The following MTO1 variants were observed in gnomAD, a reference collection of about 807,000 sequenced individuals.
The protein encoded by MTO1 is mitochondrial tRNA translation optimization 1, also known as 5-taurinomethyluridine-[tRNA] synthase subunit MTO1, mitochondrial.
Under a neutral mutation model 71.6 loss-of-function variants are expected in MTO1, and 46 were observed. The ratio of observed to expected loss-of-function variants is 0.64; its 90% CI spans 0.51 to 0.82. The LOEUF is 0.82. Ranked by LOEUF, MTO1 falls within the 40% of genes least tolerant of loss-of-function variation. MTO1 has a pLI of 0.00. For synonymous variants in MTO1, 297 were observed against 312.1 expected (o/e 0.95, Z 0.51); for missense variants, 773 against 867.5 (o/e 0.89, Z 1.37).
In MTO1 at chr6:73,482,180, C is replaced by T. The variant is rs761354670; in HGVS notation, c.1401C>T (p.Thr467=). The T allele has an allele frequency of 2.0e-5, 33 of 1,614,010 alleles. No individual in the cohort carries two copies. The highest frequency in any genetic ancestry group is 2.7e-5 in the African/African-American group (2 of 74,900). Residue 467 remains threonine (T), a synonymous_variant, in exon 8 of 12, where the codon ACC becomes ACT. Transcript: ENST00000498286. ...LGTSEPYRMF[T]SRVEFRLSLR... is the part of the protein sequence containing the mutation. ...CCAGTGAACCATACCGCATGTTTAC[C>T]AGCCGAGTAGAGTTCCGTTTGTCAC...
rs770798772 is a variant in MTO1 at position 73,500,733 on chromosome 6, T to C, written c.2077T>C (p.Ter693GlnextTer12). 31 of 1,572,558 alleles carry C rather than the reference T, an allele frequency of 2.0e-5. No homozygotes were observed. The highest frequency in any genetic ancestry group is 2.7e-5 in the African/African-American group (2 of 73,320). ...AGACAGACTTCAAGAGAGAGAGTTA[T>C]AGCTTTCAATTCATAAAAGATTTTT... is the stretch of plus-strand genomic sequence containing the variant. The part of the protein sequence containing the change: ...DADRLQEREL[*>Q] The change falls in exon 12 of 12, where the codon TAG becomes CAG. Residue 693 changes from the stop codon to glutamine, a stop_lost. Transcript: ENST00000498286.
intron 9 of MTO1, among the ~76,000 whole-genome samples, chr6:73,483,946 T>C (rs1771586087): frequency 1.3e-5 from 2 of 151,808 alleles, no homozygotes; most frequent in African/African-American, 2.4e-5. Flanking sequence ...ACCCGGCTAA[T>C]TTTTGTATTT....
At position 73,480,789 on chromosome 6, in the gene MTO1, AG is replaced by A. The variant is rs1250411982; in HGVS notation, c.1246del (p.Glu416LysfsTer7). 2 of 1,613,872 alleles carry A rather than the reference AG, an allele frequency of 1.2e-6. No individual in the cohort carries two copies. The highest frequency in any genetic ancestry group is 1.7e-5 in the Admixed American group (1 of 59,954). On this transcript the variant is annotated frameshift_variant, in exon 7 of 12. Coordinates refer to ENST00000498286, the MANE Select transcript of MTO1 (RefSeq NM_012123.4). LOFTEE classifies it high-confidence loss of function. ...CAGATCAATGGCACCACTGGTTATG[AG>A]GAAGCTGCAGCTCAAGTAAGAAGTT... ...AGQINGTTGYEEAAAQGVIAG... is the reference protein window; with the variant it reads ...AGQINGTTGYXEAAAQGVIAG...
chr6:73,482,342 C>A, intron 8 of MTO1, 98 bp downstream of exon 8: 2 of 1,552,302 alleles, frequency 1.3e-6, no homozygotes, highest in Admixed American at 1.7e-5. Flanking sequence ...TCACTTGAGG[C>A]CAGGAGTTTA....
rs749931663 is a variant in MTO1, at chr6:73,492,262, G to T, written c.1666G>T (p.Val556Phe). ...TCTCGATGTTCTGAAGTATGAGGAA[G>T]TTGACATGGATTCATTAGCCAAGGC... The part of the protein sequence containing the change: ...RALDVLKYEE[V>F]DMDSLAKAVP... Residue 556 changes from valine (V) to phenylalanine (F), a missense_variant, in exon 10 of 12, where the codon GTT becomes TTT. Coordinates refer to ENST00000498286, the MANE Select transcript of MTO1 (RefSeq NM_012123.4). The T allele has an allele frequency of 2.5e-6, 4 of 1,613,606 alleles. No homozygotes were observed. Among genetic ancestry groups the T allele is most frequent in the Non-Finnish European group, 3.4e-6 (4 of 1,179,576 alleles).
At chr6:73,487,282 C>T (rs1257755994) in intron 9 of MTO1, among the ~76,000 whole-genome samples, 3 of 151,296 alleles carry the variant, frequency 2.0e-5, no homozygotes, top group Non-Finnish European at 4.4e-5. Context: ...AACCTTCGCC[C>T]CCTGGTTCCA....
intron 1 of MTO1, among the ~76,000 whole-genome samples, chr6:73,465,464 C>T (rs1033617940): frequency 6.6e-6 from 1 of 151,910 alleles, no homozygotes; most frequent in Non-Finnish European, 1.5e-5. Context: ...ACACCCGGCC[C>T]TGTTTTTTAT....
chr6:73,475,035 G>A (rs189066005), intron 4 of MTO1, among the ~76,000 whole-genome samples: 4 of 152,160 alleles, frequency 2.6e-5, no homozygotes, highest in African/African-American at 9.6e-5. Context: ...CATTACAGGC[G>A]TGAGCCACCG....
intron 4 of MTO1, among the ~76,000 whole-genome samples, chr6:73,475,309 A>AT (rs1334916087): frequency 6.6e-6 from 1 of 150,756 alleles, no homozygotes; most frequent in African/African-American, 2.4e-5. Context: ...TGAGATGGAG[A>AT]TTCAGTCTTG....
At position 73,500,891 on chromosome 6, in the gene MTO1, C is replaced by G; in HGVS notation, c.*156C>G. The G allele has an allele frequency of 1.7e-6, 1 of 575,960 alleles. No individual in the cohort carries two copies. The allele number at this position is 575,960 out of a possible 1,614,324, so 35.7% of individuals were successfully genotyped here. ...GAGTGGGACAGAAATTATAATTGTGCTTTTTCGTGTATATGAAAAAACTAG... is the reference window on the plus strand; with the variant it reads ...GAGTGGGACAGAAATTATAATTGTGGTTTTTCGTGTATATGAAAAAACTAG... On this transcript the variant is annotated 3_prime_UTR_variant, in exon 12 of 12. Transcript: ENST00000498286.
rs529078132 is a variant in MTO1 at position 73,496,777 on chromosome 6, G to C, written c.1757-959G>C. Among the ~76,000 whole-genome samples the C allele has an allele frequency of 1.3e-4, 19 of 151,998 alleles. No individual in the cohort carries two copies. In the South Asian group the frequency reaches 3.8e-3, roughly 30 times the overall value. ...CTTAGAGAAGTAGCTTATCTCAGCC[G>C]GGCATGGTGGCTCATGCCTATAATC... On this transcript the variant is annotated intron_variant, in intron 10 of 11. Transcript: ENST00000498286.
At chr6:73,488,835 T>C (rs2150040766) in intron 9 of MTO1, among the ~76,000 whole-genome samples, 1 of 152,276 alleles carries the variant, frequency 6.6e-6, no homozygotes, top group Middle Eastern at 3.4e-3. Context: ...CGAGAATTGC[T>C]TGAACCCGGG....
chr6:73,500,341 G>A lies in MTO1; in HGVS notation c.1918-233G>A, dbSNP rs769448390. Reference sequence around the variant, plus strand: ...TAACATCTATTAGTTATGTAATCTTGCACAAGCTATTTTAACATTTCTGTG... The same window carrying A: ...TAACATCTATTAGTTATGTAATCTTACACAAGCTATTTTAACATTTCTGTG... On this transcript the variant is annotated intron_variant, in intron 11 of 11. Coordinates refer to ENST00000498286, the MANE Select transcript of MTO1 (RefSeq NM_012123.4). Among the ~76,000 whole-genome samples, 14 of 152,126 alleles carry A rather than the reference G, an allele frequency of 9.2e-5. No individual in the cohort carries two copies. In the East Asian group the frequency reaches 1.2e-3, roughly 13 times the overall value.
In MTO1 at chr6:73,479,992, T is replaced by TTTGG; in HGVS notation, c.1000_1003dup (p.Glu335ValfsTer4). ...CGTTTTCCAAACCGTCTACATCAGG[T>TTTGG]TTGGTTGGAACCTGAAGGAATGGAT... On this transcript the variant is annotated frameshift_variant, in exon 6 of 12. Coordinates refer to ENST00000498286, the MANE Select transcript of MTO1 (RefSeq NM_012123.4). LOFTEE classifies it high-confidence loss of function. The TTTGG allele has an allele frequency of 6.2e-7, 1 of 1,614,170 alleles. No homozygotes were observed. Among genetic ancestry groups the TTTGG allele is most frequent in the African/African-American group, 1.3e-5 (1 of 75,048 alleles).
chr6:73,480,448 T>C (rs2150036139), intron 6 of MTO1: 1 of 592,192 alleles, frequency 1.7e-6, no homozygotes, highest in Middle Eastern at 4.7e-4. Context: ...TTTTGTATTT[T>C]TAGTAGAGAC....
In MTO1 at chr6:73,477,468, G is replaced by A. The variant is rs1011390892; in HGVS notation, c.826-2264G>A. On this transcript the variant is annotated intron_variant, in intron 4 of 11. Coordinates refer to ENST00000498286, the MANE Select transcript of MTO1 (RefSeq NM_012123.4). ...AGTGCTATTATCTAACATAAAGTCC[G>A]TAGTCACATTTTGCTAATTGGTAAA... Among the ~76,000 whole-genome samples, 14 of 147,956 alleles carry A rather than the reference G, an allele frequency of 9.5e-5. No homozygotes were observed. The Middle Eastern group carries it at 0.014, about 151-fold the overall frequency.
chr6:73,475,351 C>T (rs1030333036), intron 4 of MTO1, among the ~76,000 whole-genome samples: 5 of 151,966 alleles, frequency 3.3e-5, no homozygotes, highest in Admixed American at 2.0e-4. Context: ...GGCACGATCT[C>T]AGCTCACTGC....
Position 73,500,834 on chromosome 6 carries a change from A to G in MTO1, c.*99A>G, listed in dbSNP as rs2150046408. On this transcript the variant is annotated 3_prime_UTR_variant, in exon 12 of 12. Transcript: ENST00000498286. Reference sequence around the variant, plus strand: ...ATTTAGCACATGTTAAAATAGCTTTATTAGGTTACTATGGGTTTGCCATTA... The same window carrying G: ...ATTTAGCACATGTTAAAATAGCTTTGTTAGGTTACTATGGGTTTGCCATTA... 3 of 1,039,568 alleles carry G rather than the reference A, an allele frequency of 2.9e-6. No individual in the cohort carries two copies. In the Middle Eastern group the frequency reaches 9.6e-4, roughly 331 times the overall value. The allele number at this position is 1,039,568 out of a possible 1,614,324, so 64.4% of individuals were successfully genotyped here. A position where few individuals can be genotyped will look rare whatever the true frequency, so the allele number is the denominator to read the frequency against.
At chr6:73,496,085 T>G (rs1185571035) in intron 10 of MTO1, among the ~76,000 whole-genome samples, 1 of 152,142 alleles carries the variant, frequency 6.6e-6, no homozygotes, top group Non-Finnish European at 1.5e-5. Context: ...GGCCAGCCCT[T>G]GCAATTTCTA....
Sources: allele counts gnomAD v4.1 joint callset (sites outside exome capture counted in the v4.1 genomes callset), GRCh38; gene constraint gnomAD v4.1.1; transcripts MANE v1.5; gene names NCBI Gene and HGNC (gene_info 2026-07-23, HGNC 2026-07-21).